Variants in PAQR4 observed in about 807,000 individuals in gnomAD.
The protein encoded by PAQR4 is progestin and adipoQ receptor family member 4.
Under a neutral mutation model 20.9 loss-of-function variants are expected in PAQR4, and 26 were observed. That is an observed-to-expected ratio of 1.24 (90% CI 0.91 to 1.73). The LOEUF (loss-of-function observed/expected upper bound fraction) is 1.73. Ranked by LOEUF, PAQR4 falls within the 40% of genes most tolerant of loss-of-function variation. The pLI, the probability that PAQR4 is intolerant of heterozygous loss-of-function variation, is 0.00. For missense variants in PAQR4, 400 were observed against 380.1 expected, an observed-to-expected ratio of 1.05 and a Z score of -0.44; for synonymous variants, 193 against 171.6, an observed-to-expected ratio of 1.12 and a Z score of -0.97.
At position 2,971,161 on chromosome 16, in the gene PAQR4, G is replaced by A. The variant is rs552717938; in HGVS notation, c.171G>A (p.Leu57=). Reference sequence around the variant, plus strand: ...GATGACTGTCTCCCTCCCTAGGGCTGGCCCTGCTGGGCTTCCTGGTGCTGG... The same window carrying A: ...GATGACTGTCTCCCTCCCTAGGGCTAGCCCTGCTGGGCTTCCTGGTGCTGG... ...NELGNIYTHG[L]ALLGFLVLVP... is the part of the protein sequence containing the mutation. Residue 57 remains leucine (L), a synonymous_variant, in exon 2 of 3, where the codon CTG becomes CTA. Coordinates refer to ENST00000318782, the MANE Select transcript of PAQR4 (RefSeq NM_152341.5). 1 of 1,613,092 alleles carries A rather than the reference G, an allele frequency of 6.2e-7. No homozygotes were observed. Among genetic ancestry groups the A allele is most frequent in the East Asian group, 2.2e-5 (1 of 44,884 alleles).
chr16:2,972,139 C>T lies in PAQR4; in HGVS notation c.*191C>T, dbSNP rs912076732. The T allele has an allele frequency of 5.0e-6, 3 of 605,058 alleles. No homozygotes were observed. The highest frequency in any genetic ancestry group is 5.6e-6 in the Non-Finnish European group (2 of 355,936). The allele number at this position is 605,058 out of a possible 1,614,324, so 37.5% of individuals were successfully genotyped here. On this transcript the variant is annotated 3_prime_UTR_variant, in exon 3 of 3. Coordinates refer to ENST00000318782, the MANE Select transcript of PAQR4 (RefSeq NM_152341.5). Reference sequence around the variant, plus strand: ...CACGCCGTGGCGCTCCAACTTCCTTCCCTGCCTTTTCCCTCCAAGCTCCTA... The same window carrying T: ...CACGCCGTGGCGCTCCAACTTCCTTTCCTGCCTTTTCCCTCCAAGCTCCTA...
At chr16:2,970,022 TC>T (rs2071938116) in intron 1 of PAQR4, 182 bp downstream of exon 1, 4 of 834,332 alleles carry the variant, frequency 4.8e-6, no homozygotes, top group Non-Finnish European at 7.2e-6. Flanking sequence ...GCTTCCGTTT[TC>T]CCGGCGGGTG....
intron 1 of PAQR4, among the ~76,000 whole-genome samples, chr16:2,970,410 C>A (rs868492084): frequency 1.3e-5 from 2 of 152,362 alleles, no homozygotes; most frequent in African/African-American, 4.8e-5. Flanking sequence ...GCCTGGGTGC[C>A]TTTCCCGAGC....
In PAQR4 at chr16:2,969,561, G is replaced by T; in HGVS notation, c.-114G>T. The T allele has an allele frequency of 8.1e-7, 1 of 1,229,310 alleles. No homozygotes were observed. Among genetic ancestry groups the T allele is most frequent in the African/African-American group, 1.6e-5 (1 of 62,388 alleles). The allele number at this position is 1,229,310 out of a possible 1,614,324, so 76.2% of individuals were successfully genotyped here. ...GTGCGCCGATCGAGCGCAGGGCGATGGGTGGGCGCCGGGCGCCGGGCGCCA... is the reference window on the plus strand; with the variant it reads ...GTGCGCCGATCGAGCGCAGGGCGATTGGTGGGCGCCGGGCGCCGGGCGCCA... On this transcript the variant is annotated 5_prime_UTR_variant, in exon 1 of 3. It removes an upstream start codon present in the reference 5' UTR. Coordinates refer to ENST00000318782, the MANE Select transcript of PAQR4 (RefSeq NM_152341.5).
chr16:2,969,908 T>G, intron 1 of PAQR4, 68 bp downstream of exon 1: 2 of 1,584,330 alleles, frequency 1.3e-6, no homozygotes, highest in Non-Finnish European at 1.7e-6. Context: ...CCGGGGGCAC[T>G]GAGGCCGAGG....
chr16:2,970,841 G>A (rs2071965182), intron 1 of PAQR4: 4 of 527,686 alleles, frequency 7.6e-6, no homozygotes. Flanking sequence ...TGTGGGAGTG[G>A]GACGGCCTAG....
rs1262991554 is a variant in PAQR4, at chr16:2,972,179, CTGG to C, written c.*232_*234del. 1.7e-6 allele frequency: 1 copy of C among 572,670 alleles called. No homozygotes were observed. The highest frequency in any genetic ancestry group is 3.0e-6 in the Non-Finnish European group (1 of 328,820). The allele number at this position is 572,670 out of a possible 1,614,324, so 35.5% of individuals were successfully genotyped here. ...CCAAGCTCCTATTTTACTGTGTCAG[CTGG>C]AAGGAAACCTTTCCCTCTTGGGACC... On this transcript the variant is annotated 3_prime_UTR_variant, in exon 3 of 3. Transcript: ENST00000318782.
chr16:2,971,420 G>A (rs1181001101), intron 2 of PAQR4, 42 bp downstream of exon 2: 1 of 1,591,918 alleles, frequency 6.3e-7, no homozygotes, highest in Non-Finnish European at 8.5e-7. Flanking sequence ...GCCACCGGCG[G>A]GAGAGGCATG....
chr16:2,969,938 C>G, intron 1 of PAQR4, 98 bp downstream of exon 1: 1 of 1,469,780 alleles, frequency 6.8e-7, no homozygotes, highest in Non-Finnish European at 9.2e-7. Flanking sequence ...GCGCCCAAGT[C>G]CAGGGCTGCC....
chr16:2,971,852 C>A lies in PAQR4; in HGVS notation c.726C>A (p.Ile242=), dbSNP rs570979634. The A allele has an allele frequency of 1.2e-6, 2 of 1,612,390 alleles. No individual in the cohort carries two copies. Among genetic ancestry groups the A allele is most frequent in the South Asian group, 1.1e-5 (1 of 91,088 alleles). Reference sequence around the variant, plus strand: ...ACTACTGGGGCAACTCCCACCAGATCATGCACCTGCTGAGCGTGGGCTCCA... The same window carrying A: ...ACTACTGGGGCAACTCCCACCAGATAATGCACCTGCTGAGCGTGGGCTCCA... ...RFDYWGNSHQ[I]MHLLSVGSIL... is the part of the protein sequence containing the mutation. Residue 242 remains isoleucine, a synonymous_variant, in exon 3 of 3, where the codon ATC becomes ATA. Coordinates refer to ENST00000318782, the MANE Select transcript of PAQR4 (RefSeq NM_152341.5).
rs1268333109 is a variant in PAQR4, at chr16:2,971,367, T to C, written c.377T>C (p.Val126Ala). Residue 126 changes from valine to alanine, a missense_variant, in exon 2 of 3, where the codon GTC becomes GCC. By Grantham distance (64) the Val-to-Ala change is moderately conservative. Transcript: ENST00000318782. ...LALDMCGVCL[V>A]NTLGALPIIH... ...CTGGACATGTGTGGGGTCTGCCTTG[T>C]CAACACCCTTGGTGAGTCAGGGCCC... is the stretch of plus-strand genomic sequence containing the variant. 5 of 1,609,048 alleles carry C rather than the reference T, an allele frequency of 3.1e-6. No individual in the cohort carries two copies. The South Asian group carries it at 5.5e-5, about 18-fold the overall frequency.
chr16:2,969,614 G>A lies in PAQR4; in HGVS notation c.-61G>A. On this transcript the variant is annotated 5_prime_UTR_variant, in exon 1 of 3. Transcript: ENST00000318782. Reference sequence around the variant, plus strand: ...CAGTGATGGGCCTTCCCGCGCTGCGGCCCCACTGAGGAGGAGGCTCGGGGA... The same window carrying A: ...CAGTGATGGGCCTTCCCGCGCTGCGACCCCACTGAGGAGGAGGCTCGGGGA... 1.4e-6 allele frequency: 2 copies of A among 1,394,488 alleles called. No homozygotes were observed. Among genetic ancestry groups the A allele is most frequent in the Non-Finnish European group, 1.9e-6 (2 of 1,079,832 alleles). 86.4% of individuals were successfully genotyped at this position (1,394,488 alleles called of 1,614,324 possible).
In PAQR4 at chr16:2,972,179, C is replaced by A. The variant is rs1161283215; in HGVS notation, c.*231C>A. 1 of 572,788 alleles carries A rather than the reference C, an allele frequency of 1.7e-6. No individual in the cohort carries two copies. The highest frequency in any genetic ancestry group is 1.9e-5 in the African/African-American group (1 of 53,506). 35.5% of individuals were successfully genotyped at this position (572,788 alleles called of 1,614,324 possible). On this transcript the variant is annotated 3_prime_UTR_variant, in exon 3 of 3. Coordinates refer to ENST00000318782, the MANE Select transcript of PAQR4 (RefSeq NM_152341.5). ...CCAAGCTCCTATTTTACTGTGTCAG[C>A]TGGAAGGAAACCTTTCCCTCTTGGG...
Position 2,969,384 on chromosome 16 carries a change from G to T in PAQR4, c.-291G>T. 5.9e-6 allele frequency: 1 copy of T among 170,696 alleles called. No individual in the cohort carries two copies. The highest frequency in any genetic ancestry group is 1.7e-4 in the South Asian group (1 of 5,738). The allele number at this position is 170,696 out of a possible 1,614,324, so 10.6% of individuals were successfully genotyped here. A position where few individuals can be genotyped will look rare whatever the true frequency, so the allele number is the denominator to read the frequency against. On this transcript the variant is annotated 5_prime_UTR_variant, in exon 1 of 3. Transcript: ENST00000318782. Reference sequence around the variant, plus strand: ...CGGCCACCGCCGCCGCCGCCGCCGCGAGCTGTCCCTGCGGCGCGTCTGCCT... The same window carrying T: ...CGGCCACCGCCGCCGCCGCCGCCGCTAGCTGTCCCTGCGGCGCGTCTGCCT...
rs553695782 is a variant in PAQR4 at position 2,972,473 on chromosome 16, G to A, written c.*525G>A. The A allele has an allele frequency of 2.7e-6, 2 of 738,308 alleles. No homozygotes were observed. The highest frequency in any genetic ancestry group is 3.6e-5 in the African/African-American group (2 of 56,294). The allele number at this position is 738,308 out of a possible 1,614,324, so 45.7% of individuals were successfully genotyped here. ...CATTCAGGACAAAAGGACCAAGGGG[G>A]CGTGGACCCGTCTTGTACCAGCTGG... On this transcript the variant is annotated 3_prime_UTR_variant, in exon 3 of 3. Transcript: ENST00000318782.
In PAQR4 at chr16:2,972,830, T is replaced by A; in HGVS notation, c.*882T>A. 2 of 1,533,310 alleles carry A rather than the reference T, an allele frequency of 1.3e-6. No individual in the cohort carries two copies. Among genetic ancestry groups the A allele is most frequent in the African/African-American group, 1.4e-5 (1 of 72,610 alleles). The allele number at this position is 1,533,310 out of a possible 1,614,324, so 95.0% of individuals were successfully genotyped here. ...AGCTTGGGTGCTCCCAAGGTTCAAA[T>A]ACTTTTTATTAGACACGGCCAGGCA... On this transcript the variant is annotated 3_prime_UTR_variant, in exon 3 of 3. Coordinates refer to ENST00000318782, the MANE Select transcript of PAQR4 (RefSeq NM_152341.5).
chr16:2,971,830 A>C lies in PAQR4; in HGVS notation c.704A>C (p.Tyr235Ser). Reference protein sequence around the residue: ...PERWGPGRFDYWGNSHQIMHL... With the variant: ...PERWGPGRFDSWGNSHQIMHL... ...CGCTGGGGACCTGGCCGCTTTGACT[A>C]CTGGGGCAACTCCCACCAGATCATG... The change falls in exon 3 of 3, where the codon TAC becomes TCC. Residue 235 changes from tyrosine (Y) to serine (S), a missense_variant. Transcript: ENST00000318782. 1 of 1,612,550 alleles carries C rather than the reference A, an allele frequency of 6.2e-7. No individual in the cohort carries two copies. The highest frequency in any genetic ancestry group is 1.1e-5 in the South Asian group (1 of 91,082).
intron 1 of PAQR4, among the ~76,000 whole-genome samples, chr16:2,970,630 G>A (rs569391158): frequency 2.6e-5 from 4 of 152,172 alleles, no homozygotes; most frequent in Non-Finnish European, 5.9e-5. Flanking sequence ...TCCCCCACCT[G>A]GCCTCACCCC....
Position 2,973,476 on chromosome 16 carries a change from T to C in PAQR4, c.*1528T>C. 6.7e-7 allele frequency: 1 copy of C among 1,494,230 alleles called. No homozygotes were observed. The highest frequency in any genetic ancestry group is 8.9e-7 in the Non-Finnish European group (1 of 1,119,924). 92.6% of individuals were successfully genotyped at this position (1,494,230 alleles called of 1,614,324 possible). A position where few individuals can be genotyped will look rare whatever the true frequency, so the allele number is the denominator to read the frequency against. ...AGGCAGATTTGAAATAAACTTTTAGTAAATGTAAGCCTTTCTGGAACTTCT... is the reference window on the plus strand; with the variant it reads ...AGGCAGATTTGAAATAAACTTTTAGCAAATGTAAGCCTTTCTGGAACTTCT... On this transcript the variant is annotated 3_prime_UTR_variant, in exon 3 of 3. Transcript: ENST00000318782.
Sources: allele counts gnomAD v4.1 joint callset (sites outside exome capture counted in the v4.1 genomes callset), GRCh38; gene constraint gnomAD v4.1.1; transcripts MANE v1.5; gene names NCBI Gene and HGNC (gene_info 2026-07-23, HGNC 2026-07-21).